SEL1L3: variants seen among roughly 807,000 people sequenced by gnomAD.
The protein encoded by SEL1L3 is protein sel-1 homolog 3.
SEL1L3 carries 76 observed loss-of-function variants against 142.8 expected under a neutral mutation model. That is an observed-to-expected ratio of 0.53 (90% confidence interval 0.44 to 0.64). The LOEUF (loss-of-function observed/expected upper bound fraction) is 0.64, where lower values mean the gene tolerates loss of function less well. SEL1L3 is among the 30% of genes least tolerant of loss of function. SEL1L3 has a pLI of 0.00. For synonymous variants in SEL1L3, 504 were observed against 519.6 expected, an observed-to-expected ratio of 0.97 and a Z score of 0.41; for missense variants, 1,262 against 1,381.7, an observed-to-expected ratio of 0.91 and a Z score of 1.37.
intron 9 of SEL1L3, among the ~76,000 whole-genome samples, chr4:25,815,345 G>A (rs1714322589): frequency 6.6e-6 from 1 of 152,210 alleles, no homozygotes; most frequent in African/African-American, 2.4e-5. Flanking sequence ...CGGGAATCTA[G>A]CGGTTCTGCA....
intron 9 of SEL1L3, among the ~76,000 whole-genome samples, chr4:25,812,477 T>C (rs1435494275): frequency 6.6e-6 from 1 of 152,200 alleles, no homozygotes; most frequent in Non-Finnish European, 1.5e-5. Flanking sequence ...CCTAGCACTT[T>C]GGGAGGCTGA....
chr4:25,812,807 G>C (rs993931750), intron 9 of SEL1L3, among the ~76,000 whole-genome samples: 5 of 151,834 alleles, frequency 3.3e-5, no homozygotes, highest in African/African-American at 1.2e-4. Flanking sequence ...AAGGTCAGGA[G>C]TTCAAGACCA....
Position 25,847,826 on chromosome 4 carries a change from C to G in SEL1L3, c.201G>C (p.Thr67=). ...VPSLGRQTSL[T]TSVIPKAEQS... ...GCTCAGCTTTGGGTATCACTGATGT[C>G]GTCAGGGAAGTCTGCCTACCCAAAG... Residue 67 remains threonine (T), a synonymous_variant, in exon 2 of 24, where the codon ACG becomes ACC. Coordinates refer to ENST00000399878, the MANE Select transcript of SEL1L3 (RefSeq NM_015187.5). 1.9e-6 allele frequency: 3 copies of G among 1,591,788 alleles called. No homozygotes were observed. Among genetic ancestry groups the G allele is most frequent in the Non-Finnish European group, 2.6e-6 (3 of 1,170,686 alleles).
intron 23 of SEL1L3, among the ~76,000 whole-genome samples, chr4:25,752,779 C>A (rs1480376696): frequency 6.6e-6 from 1 of 152,214 alleles, no homozygotes; most frequent in Non-Finnish European, 1.5e-5. Context: ...CACCACCATG[C>A]CCCGCTAATT....
At chr4:25,738,736 T>G in the SEL1L3 span, among the ~76,000 whole-genome samples, 1 of 152,222 alleles carries the variant, frequency 6.6e-6, no homozygotes, top group East Asian at 1.9e-4. Context: ...ATAACCATTG[T>G]GTGCAAGACT....
chr4:25,837,388 A>G (rs900847229), intron 2 of SEL1L3, among the ~76,000 whole-genome samples: 8 of 148,312 alleles, frequency 5.4e-5, no homozygotes, highest in African/African-American at 1.8e-4. Flanking sequence ...CCTGACTCCA[A>G]TTAAAAAAAA....
chr4:25,769,009 T>C (rs1205801542), intron 17 of SEL1L3, among the ~76,000 whole-genome samples: 1 of 115,416 alleles, frequency 8.7e-6, no homozygotes, highest in African/African-American at 3.3e-5. Context: ...CTATTCTTTT[T>C]ACTTATCTGA....
Position 25,840,909 on chromosome 4 carries a change from G to A in SEL1L3, c.734-5586C>T, listed in dbSNP as rs146836175. ...TGAAGCCCTTGTTGCCATCTTTCCC[G>A]TCAAGGAACAAAGGCTTATCACCAT... On this transcript the variant is annotated intron_variant, in intron 2 of 23. Transcript: ENST00000399878. Among the ~76,000 whole-genome samples the A allele has an allele frequency of 9.9e-5, 15 of 152,152 alleles. No individual in the cohort carries two copies. In the East Asian group the frequency reaches 1.9e-3, roughly 20 times the overall value.
At chr4:25,770,739 C>CAAAAAAAAAAAAAAAAAAAAAAA (rs57317400) in intron 17 of SEL1L3, among the ~76,000 whole-genome samples, 1 of 97,388 alleles carries the variant, frequency 1.0e-5, no homozygotes, top group Non-Finnish European at 2.1e-5. Flanking sequence ...GACTCTGTCT[C>CAAAAAAAAAAAAAAAAAAAAAAA]AAAAAAAAAA....
the SEL1L3 span, among the ~76,000 whole-genome samples, chr4:25,737,126 A>T: frequency 6.6e-6 from 1 of 152,040 alleles, no homozygotes; most frequent in Non-Finnish European, 1.5e-5. Context: ...TTGGGACTAC[A>T]GGCACACGCC....
intron 6 of SEL1L3, among the ~76,000 whole-genome samples, chr4:25,825,976 T>C (rs933478116): frequency 3.3e-5 from 5 of 152,256 alleles, no homozygotes; most frequent in South Asian, 4.1e-4. Flanking sequence ...CCGGCCGGCC[T>C]GGTCTAAATT....
At chr4:25,824,687 G>C (rs1220300961) in intron 6 of SEL1L3, among the ~76,000 whole-genome samples, 3 of 152,112 alleles carry the variant, frequency 2.0e-5, no homozygotes, top group African/African-American at 7.2e-5. Context: ...TCAGCACTTT[G>C]GAAGGCCGAG....
In SEL1L3 at chr4:25,782,302, T is replaced by C. The variant is rs1028595252; in HGVS notation, c.2397A>G (p.Ser799=). The C allele has an allele frequency of 3.7e-6, 6 of 1,613,810 alleles. No homozygotes were observed. In the Admixed American group the frequency reaches 8.3e-5, roughly 22 times the overall value. The change falls in exon 15 of 24, where the codon TCA becomes TCG. Residue 799 remains serine, a synonymous_variant. Coordinates refer to ENST00000399878, the MANE Select transcript of SEL1L3 (RefSeq NM_015187.5). ...CCAAATGCAGGACTCCAAGATTGTA[T>C]GACGCATCTGGGTTCCCCATTTCTT... The part of the protein sequence containing the change: ...KAEEMGNPDA[S]YNLGVLHLDG...
intron 10 of SEL1L3, among the ~76,000 whole-genome samples, chr4:25,804,323 C>A (rs1382093687): frequency 6.6e-6 from 1 of 152,122 alleles, no homozygotes; most frequent in Non-Finnish European, 1.5e-5. Flanking sequence ...AATCATCCCC[C>A]CAAGGCCTGT....
intron 9 of SEL1L3, among the ~76,000 whole-genome samples, chr4:25,810,024 G>A (rs185488758): frequency 6.5e-4 from 99 of 152,302 alleles, no homozygotes; most frequent in Middle Eastern, 3.4e-3. Context: ...TCAGCACTCC[G>A]GAGCCTGGGG....
At chr4:25,774,274 C>T (rs994291800) in intron 17 of SEL1L3, among the ~76,000 whole-genome samples, 1 of 152,130 alleles carries the variant, frequency 6.6e-6, no homozygotes, top group Admixed American at 6.5e-5. Context: ...AGCAAATTTC[C>T]CTAAGCCCTA....
At position 25,847,525 on chromosome 4, in the gene SEL1L3, C is replaced by T. The variant is rs769297500; in HGVS notation, c.502G>A (p.Val168Ile). Residue 168 changes from valine to isoleucine, a missense_variant, in exon 2 of 24, where the codon GTA becomes ATA. Transcript: ENST00000399878. Reference protein sequence around the residue: ...DDYFIRHSISVSAVIVRAWIT... With the variant: ...DDYFIRHSISISAVIVRAWIT... ...CAGGCGCGTACTATCACTGCAGATA[C>T]AGAGATGGAATGTCTGATGAAATAA... The T allele has an allele frequency of 3.2e-5, 52 of 1,613,740 alleles. 1 individual carries two copies. The highest frequency in any genetic ancestry group is 3.0e-4 in the South Asian group (27 of 91,076).
rs147844456 is a variant in SEL1L3, at chr4:25,848,439, C to T, written c.163-575G>A. 1.0e-3 allele frequency among the ~76,000 whole-genome samples: 156 copies of T among 152,340 alleles called. 1 individual carries two copies. The highest frequency in any genetic ancestry group is 3.6e-3 in the African/African-American group (148 of 41,588). On this transcript the variant is annotated intron_variant, in intron 1 of 23. Transcript: ENST00000399878. ...GGCTTCTATTGCTCCTGGTCACACA[C>T]AAGTAAGCTCAGACGATGGGCTGTG...
the SEL1L3 span, among the ~76,000 whole-genome samples, chr4:25,736,847 A>T: frequency 8.4e-6 from 1 of 119,122 alleles, no homozygotes; most frequent in Non-Finnish European, 2.0e-5. Context: ...TATATATTCC[A>T]TCCTACTGCC....
Sources: allele counts gnomAD v4.1 joint callset (sites outside exome capture counted in the v4.1 genomes callset), GRCh38; gene constraint gnomAD v4.1.1; transcripts MANE v1.5; gene names NCBI Gene and HGNC (gene_info 2026-07-23, HGNC 2026-07-21).